Variants in TASP1 observed in about 807,000 individuals in gnomAD.
TASP1 encodes threonine aspartase 1.
In TASP1, 16 loss-of-function variants were observed where a neutral mutation model predicts 56.6. The ratio of observed to expected loss-of-function variants is 0.28; its 90% CI spans 0.19 to 0.43. The LOEUF is 0.43. Among genes scored for constraint, TASP1 ranks in the 20% least tolerant of loss-of-function variants. TASP1 has a pLI of 1.00. For synonymous variants in TASP1, 179 were observed against 184.2 expected, an observed-to-expected ratio of 0.97 and a Z score of 0.23; for missense variants, 393 against 511.6, an observed-to-expected ratio of 0.77 and a Z score of 2.24.
the TASP1 span, chr20:13,279,957 T>A: frequency 6.6e-7 from 1 of 1,518,938 alleles, no homozygotes; most frequent in Non-Finnish European, 9.0e-7. Context: ...GATGATGCCT[T>A]GGACATGGAG....
At chr20:13,396,936 G>A (rs1444919714) in intron 13 of TASP1, among the ~76,000 whole-genome samples, 2 of 152,206 alleles carry the variant, frequency 1.3e-5, no homozygotes, top group African/African-American at 4.8e-5. Flanking sequence ...TTAAAATGCT[G>A]TCTGATGAGA....
intron 4 of TASP1, among the ~76,000 whole-genome samples, chr20:13,618,873 CTT>C (rs113144299): frequency 6.2e-5 from 9 of 145,564 alleles, no homozygotes; most frequent in Non-Finnish European, 7.6e-5. Flanking sequence ...TATCACTATT[CTT>C]TTTTTTTTTT....
At chr20:13,463,691 G>A (rs1286507454) in intron 11 of TASP1, among the ~76,000 whole-genome samples, 1 of 151,984 alleles carries the variant, frequency 6.6e-6, no homozygotes, top group Non-Finnish European at 1.5e-5. Context: ...AGTGGGCAAA[G>A]GACTTCATAC....
the TASP1 span, among the ~76,000 whole-genome samples, chr20:13,162,187 T>A: frequency 7.9e-5 from 12 of 152,308 alleles, no homozygotes; most frequent in South Asian, 2.5e-3. Context: ...TGAGCATGTT[T>A]ACACATTAAG....
chr20:13,516,349 G>A (rs994086095), intron 10 of TASP1, among the ~76,000 whole-genome samples: 1 of 152,094 alleles, frequency 6.6e-6, no homozygotes, highest in African/African-American at 2.4e-5. Context: ...ATTAGAAACA[G>A]GTGTGCCAGA....
At chr20:13,517,125 C>T (rs960954325) in intron 10 of TASP1, among the ~76,000 whole-genome samples, 15 of 152,020 alleles carry the variant, frequency 9.9e-5, no homozygotes, top group African/African-American at 1.2e-4. Flanking sequence ...GAGCCTCATT[C>T]GGTGCTAATA....
intron 8 of TASP1, among the ~76,000 whole-genome samples, chr20:13,545,875 T>C (rs1038541100): frequency 2.6e-5 from 4 of 152,148 alleles, no homozygotes; most frequent in African/African-American, 9.7e-5. Context: ...TACCCAGACA[T>C]ATAAGTCTGA....
chr20:13,243,436 G>A, the TASP1 span, among the ~76,000 whole-genome samples: 8 of 151,940 alleles, frequency 5.3e-5, no homozygotes, highest in South Asian at 2.1e-4. Flanking sequence ...ACAAAGACAC[G>A]TATTTTTGGT....
At chr20:13,533,578 G>A (rs2045305410) in intron 9 of TASP1, among the ~76,000 whole-genome samples, 1 of 152,056 alleles carries the variant, frequency 6.6e-6, no homozygotes. Context: ...GATCAGAGGA[G>A]GGATGTAAAG....
At chr20:13,392,993 A>G in intron 13 of TASP1, 1 of 581,720 alleles carries the variant, frequency 1.7e-6, no homozygotes, top group Admixed American at 2.1e-5. Context: ...ACCATGGAGA[A>G]GGCTGGAGCT....
chr20:13,536,297 A>C (rs2045414460), intron 8 of TASP1, among the ~76,000 whole-genome samples: 1 of 152,202 alleles, frequency 6.6e-6, no homozygotes, highest in Non-Finnish European at 1.5e-5. Context: ...TGCCCCATTC[A>C]TTCTGAAGCA....
At chr20:13,444,921 T>C (rs1311230136) in intron 11 of TASP1, among the ~76,000 whole-genome samples, 1 of 152,166 alleles carries the variant, frequency 6.6e-6, no homozygotes, top group Non-Finnish European at 1.5e-5. Flanking sequence ...GCCCAGCTTA[T>C]GGGTATCATC....
chr20:13,124,149 A>G, the TASP1 span, among the ~76,000 whole-genome samples: 1 of 152,222 alleles, frequency 6.6e-6, no homozygotes, highest in Non-Finnish European at 1.5e-5. Context: ...CTCACCAAAT[A>G]AAAGAATCAT....
chr20:13,249,097 CATT>C, the TASP1 span, among the ~76,000 whole-genome samples: 2 of 152,066 alleles, frequency 1.3e-5, no homozygotes, highest in Admixed American at 1.3e-4. Flanking sequence ...AAATATTACT[CATT>C]GTTGGGTGGA....
the TASP1 span, among the ~76,000 whole-genome samples, chr20:13,333,932 A>G: frequency 5.9e-5 from 9 of 152,358 alleles, no homozygotes; most frequent in African/African-American, 2.2e-4. Flanking sequence ...ACAGGGAGGC[A>G]TTATGCCAAG....
chr20:13,154,265 T>G, the TASP1 span: 2 of 1,225,300 alleles, frequency 1.6e-6, no homozygotes, highest in South Asian at 1.5e-5. Flanking sequence ...TCGTACGGCT[T>G]CTCGGAAGCC....
intron 4 of TASP1, among the ~76,000 whole-genome samples, chr20:13,591,600 A>G (rs532229130): frequency 7.9e-5 from 12 of 152,320 alleles, no homozygotes; most frequent in Non-Finnish European, 1.2e-4. Context: ...CTACAGGCCA[A>G]ACAAAAAAGA....
At chr20:13,427,363 A>T (rs575549223) in intron 12 of TASP1, among the ~76,000 whole-genome samples, 21 of 152,368 alleles carry the variant, frequency 1.4e-4, no homozygotes, top group African/African-American at 4.8e-4. Context: ...TTCTGAAAAG[A>T]GGGAGGAAAA....
chr20:13,279,792 G>C, the TASP1 span: 1 of 1,614,056 alleles, frequency 6.2e-7, no homozygotes, highest in Non-Finnish European at 8.5e-7. Context: ...AGGACTACAA[G>C]TACGACAGTA....
Sources: allele counts gnomAD v4.1 joint callset (sites outside exome capture counted in the v4.1 genomes callset), GRCh38; gene constraint gnomAD v4.1.1; transcripts MANE v1.5; gene names NCBI Gene and HGNC (gene_info 2026-07-23, HGNC 2026-07-21).